The following SETD5 variants were observed in gnomAD, a reference collection of about 807,000 sequenced individuals.
SETD5 encodes the protein histone-lysine N-methyltransferase SETD5.
Under a neutral mutation model 153.3 loss-of-function variants are expected in SETD5, and 44 were observed. The ratio of observed to expected loss-of-function variants is 0.29; its 90% CI spans 0.23 to 0.37. The LOEUF is 0.37. Among genes scored for constraint, SETD5 ranks in the 10% least tolerant of loss-of-function variants. The pLI is 1.00. For synonymous variants in SETD5, 716 were observed against 645.2 expected (o/e 1.11, Z -1.66); for missense variants, 1,544 against 1,768.0 (o/e 0.87, Z 2.27).
At chr3:9,466,644 G>T (rs369377044) in intron 18 of SETD5, among the ~76,000 whole-genome samples, 1 of 152,108 alleles carries the variant, frequency 6.6e-6, no homozygotes, top group East Asian at 1.9e-4. Flanking sequence ...CATACTCTTT[G>T]CTGTATTCTA....
intron 16 of SETD5, among the ~76,000 whole-genome samples, chr3:9,452,107 C>A (rs2125331512): frequency 6.6e-6 from 1 of 152,262 alleles, no homozygotes; most frequent in Middle Eastern, 3.4e-3. Flanking sequence ...TCATAGCTAA[C>A]CATGGTAGCA....
In SETD5 at chr3:9,410,157, C is replaced by G. The variant is rs143617796; in HGVS notation, c.-177+12180C>G. 1.5e-4 allele frequency among the ~76,000 whole-genome samples: 23 copies of G among 152,306 alleles called. No individual in the cohort carries two copies. In the East Asian group the frequency reaches 4.4e-3, roughly 29 times the overall value. Reference sequence around the variant, plus strand: ...AAGCTATATGGTATAGCCCATTGCTCTTAGGCTACAAATCTGTGCAGCATG... The same window carrying G: ...AAGCTATATGGTATAGCCCATTGCTGTTAGGCTACAAATCTGTGCAGCATG... On this transcript the variant is annotated intron_variant, in intron 1 of 22. Transcript: ENST00000402198.
intron 2 of SETD5, among the ~76,000 whole-genome samples, chr3:9,426,963 G>C (rs2039343891): frequency 6.6e-6 from 1 of 152,096 alleles, no homozygotes; most frequent in Non-Finnish European, 1.5e-5. Context: ...GCTCACCTCA[G>C]CCTCTACCTC....
At chr3:9,438,750 G>A (rs1358916895) in intron 7 of SETD5, among the ~76,000 whole-genome samples, 2 of 152,124 alleles carry the variant, frequency 1.3e-5, no homozygotes, top group Non-Finnish European at 2.9e-5. Flanking sequence ...TTGACAGTTT[G>A]GACCAGATAA....
intron 3 of SETD5, chr3:9,432,301 C>T: frequency 1.0e-6 from 1 of 985,122 alleles, no homozygotes; most frequent in Non-Finnish European, 1.2e-6. Flanking sequence ...GATCCTTTCT[C>T]ACAGTTTTGG....
intron 8 of SETD5, 32 bp from the exon 9 acceptor site, chr3:9,441,561 T>A (rs779927935): frequency 1.3e-5 from 21 of 1,608,666 alleles, no homozygotes; most frequent in Non-Finnish European, 1.8e-5. Flanking sequence ...GTTCTTGCTG[T>A]TGTTTAATGT....
intron 17 of SETD5, among the ~76,000 whole-genome samples, chr3:9,462,426 A>C (rs1028688575): frequency 1.3e-5 from 2 of 151,798 alleles, no homozygotes; most frequent in African/African-American, 4.8e-5. Flanking sequence ...TCTCTACTAA[A>C]AATACAAAAA....
chr3:9,422,884 G>A (rs1057438185), intron 1 of SETD5, among the ~76,000 whole-genome samples: 8 of 152,178 alleles, frequency 5.3e-5, no homozygotes, highest in African/African-American at 1.9e-4. Flanking sequence ...CTGGGAGAAT[G>A]GCCAAGGTCC....
At chr3:9,444,947 C>T (rs2041759987) in intron 11 of SETD5, 101 bp from the exon 12 acceptor site, 13 of 1,424,066 alleles carry the variant, frequency 9.1e-6, no homozygotes, top group South Asian at 5.5e-5. Context: ...GAGACAATAT[C>T]AGAGGAAGTT....
At chr3:9,432,359 T>G (rs549622924) in intron 3 of SETD5, 4 of 858,738 alleles carry the variant, frequency 4.7e-6, no homozygotes, top group African/African-American at 1.8e-5. Flanking sequence ...TTTTCTTTGA[T>G]CCCTCACTTC....
intron 10 of SETD5, chr3:9,442,999 C>T: frequency 4.5e-6 from 1 of 221,166 alleles, no homozygotes; most frequent in Non-Finnish European, 9.3e-6. Flanking sequence ...GAGATCACGC[C>T]ACTCCACTCC....
intron 18 of SETD5, chr3:9,468,625 C>T: frequency 7.7e-7 from 1 of 1,293,914 alleles, no homozygotes; most frequent in Non-Finnish European, 1.0e-6. Context: ...AGTGAGTGTT[C>T]ATGAATGTGT....
At position 9,477,317 on chromosome 3, in the gene SETD5, A is replaced by G. The variant is rs2045905691; in HGVS notation, c.*1226A>G. On this transcript the variant is annotated 3_prime_UTR_variant, in exon 23 of 23. Coordinates refer to ENST00000402198, the MANE Select transcript of SETD5 (RefSeq NM_001080517.3). ...GGAGCCAGCCCAGGTGGGGTACACA[A>G]TCTTTTTAAATTCCATATGGTTGCC... is the stretch of plus-strand genomic sequence containing the variant. The G allele has an allele frequency of 6.6e-6, 1 of 152,642 alleles. No individual in the cohort carries two copies. Among genetic ancestry groups the G allele is most frequent in the Non-Finnish European group, 1.5e-5 (1 of 68,062 alleles). 9.5% of individuals were successfully genotyped at this position (152,642 alleles called of 1,614,324 possible).
intron 15 of SETD5, 81 bp downstream of exon 15, chr3:9,448,087 A>G (rs1559437323): frequency 2.9e-6 from 4 of 1,380,690 alleles, no homozygotes; most frequent in Non-Finnish European, 3.9e-6. Context: ...AATCCCTAGA[A>G]GAAACTAATC....
At position 9,445,794 on chromosome 3, in the gene SETD5, T is replaced by C. The variant is rs1332151276; in HGVS notation, c.1524+54T>C. The C allele has an allele frequency of 4.6e-6, 6 of 1,296,384 alleles. No individual in the cohort carries two copies. The East Asian group carries it at 1.2e-4, about 26-fold the overall frequency. 80.3% of individuals were successfully genotyped at this position (1,296,384 alleles called of 1,614,324 possible). A position where few individuals can be genotyped will look rare whatever the true frequency, so the allele number is the denominator to read the frequency against. ...CTTCTCATTCCTGCTACCTCCATCA[T>C]GTGAACCTCTTCTGTTCTCTTGACT... On this transcript the variant is annotated intron_variant, in intron 13 of 22. Coordinates refer to ENST00000402198, the MANE Select transcript of SETD5 (RefSeq NM_001080517.3).
At chr3:9,466,287 CAAAAAAAAAAA>C (rs146498301) in intron 18 of SETD5, among the ~76,000 whole-genome samples, 3 of 63,262 alleles carry the variant, frequency 4.7e-5, no homozygotes, top group Non-Finnish European at 1.0e-4. Context: ...GACTCCGTCT[CAAAAAAAAAAA>C]AAAAAAAAAA....
At chr3:9,460,687 G>A (rs1414633833) in intron 17 of SETD5, among the ~76,000 whole-genome samples, 1 of 152,080 alleles carries the variant, frequency 6.6e-6, no homozygotes, top group East Asian at 1.9e-4. Context: ...AATTAATAGG[G>A]AAATTATAGT....
intron 7 of SETD5, among the ~76,000 whole-genome samples, chr3:9,439,283 G>A (rs2040983514): frequency 6.6e-6 from 1 of 152,220 alleles, no homozygotes; most frequent in African/African-American, 2.4e-5. Context: ...AGTAAGAAAT[G>A]TGGAGACAAT....
At position 9,470,900 on chromosome 3, in the gene SETD5, G is replaced by GC. The variant is rs1197870764; in HGVS notation, c.3172dup (p.Gln1058ProfsTer22). 1.2e-6 allele frequency: 2 copies of GC among 1,603,596 alleles called. No homozygotes were observed. The highest frequency in any genetic ancestry group is 1.7e-6 in the Non-Finnish European group (2 of 1,174,062). On this transcript the variant is annotated frameshift_variant, in exon 19 of 23. Transcript: ENST00000402198. LOFTEE classifies it high-confidence loss of function. ...AAGGGCCTGTGAAGGAGTCCCATCT[G>GC]CCCCCCAGAACCCACCACAGAGGAA...
Sources: gnomAD v4.1 joint callset for allele counts (sites outside exome capture counted in the v4.1 genomes callset) on GRCh38, gnomAD v4.1.1 for gene constraint, MANE v1.5 for transcripts, NCBI Gene and HGNC (gene_info 2026-07-23, HGNC 2026-07-21) for gene names.